The following SEMA7A variants were observed in gnomAD, a reference collection of about 807,000 sequenced individuals.
The protein encoded by SEMA7A is semaphorin 7A (JohnMiltonHagen blood group).
In SEMA7A, 21 loss-of-function variants were observed where a neutral mutation model predicts 67.5. That is an observed-to-expected ratio of 0.31 (90% CI 0.22 to 0.45). SEMA7A has a LOEUF of 0.45. Ranked by LOEUF, SEMA7A falls within the 20% of genes least tolerant of loss-of-function variation. The pLI is 1.00. For missense variants in SEMA7A, 774 were observed against 908.6 expected, an observed-to-expected ratio of 0.85 and a Z score of 1.90; for synonymous variants, 364 against 368.5, an observed-to-expected ratio of 0.99 and a Z score of 0.14.
chr15:74,417,799 C>G (rs2060964845), intron 4 of SEMA7A, 78 bp downstream of exon 4: 12 of 1,568,974 alleles, frequency 7.6e-6, no homozygotes, highest in Non-Finnish European at 1.1e-5. Context: ...GTCTCGCCAT[C>G]TCCTTCCCAC....
intron 7 of SEMA7A, 135 bp from the exon 8 acceptor site, chr15:74,416,120 C>G: frequency 1.1e-6 from 1 of 878,394 alleles, no homozygotes; most frequent in Non-Finnish European, 1.7e-6. Context: ...CAGGACCTGC[C>G]GGGGGTGCCC....
Position 74,415,702 on chromosome 15 carries a change from C to T in SEMA7A, c.986+99G>A, listed in dbSNP as rs541774240. On this transcript the variant is annotated intron_variant, in intron 8 of 13. Transcript: ENST00000261918. ...CCTCTTGAGCCTGCAGCCCCTGCTC[C>T]TGCCACACCAGGGAGGCCCTCAGCA... 26 of 1,241,686 alleles carry T rather than the reference C, an allele frequency of 2.1e-5. No homozygotes were observed. The South Asian group carries it at 3.4e-4, about 16-fold the overall frequency. 76.9% of individuals were successfully genotyped at this position (1,241,686 alleles called of 1,614,324 possible).
In SEMA7A at chr15:74,411,981, C is replaced by G. The variant is rs745907850; in HGVS notation, c.1326G>C (p.Pro442=). The G allele has an allele frequency of 3.7e-6, 6 of 1,613,990 alleles. No individual in the cohort carries two copies. In the Admixed American group the frequency reaches 8.3e-5, roughly 22 times the overall value. Residue 442 remains proline (P), a synonymous_variant, in exon 11 of 14, where the codon CCG becomes CCC. Coordinates refer to ENST00000261918, the MANE Select transcript of SEMA7A (RefSeq NM_003612.5). This position sits in a 1 kb window ranked among gnomAD's most constrained non-coding sequence, Gnocchi z 4.4. The part of the protein sequence containing the change: ...DRGTIHKVVE[P]GEQEHSFAFN... ...AGGCGAAGCTGTGCTCCTGCTCCCC[C>G]GGTTCCACCACCTTGTGGATAGTGC...
In SEMA7A at chr15:74,416,002, G is replaced by T; in HGVS notation, c.802-17C>A. 4.3e-6 allele frequency: 7 copies of T among 1,611,780 alleles called. No homozygotes were observed. Among genetic ancestry groups the T allele is most frequent in the Non-Finnish European group, 5.9e-6 (7 of 1,178,198 alleles). On this transcript the variant is annotated splice_polypyrimidine_tract_variant and intron_variant, in intron 7 of 13. Coordinates refer to ENST00000261918, the MANE Select transcript of SEMA7A (RefSeq NM_003612.5). ...CTGGTCCCCCTGGAAGGGTAGAGGG[G>T]AGAAGAGGCCCCTCAGCACCTGCCC... is the stretch of plus-strand genomic sequence containing the variant.
chr15:74,411,746 C>T lies in SEMA7A; in HGVS notation c.1423-36G>A, dbSNP rs753268706. The T allele has an allele frequency of 6.2e-7, 1 of 1,608,788 alleles. No individual in the cohort carries two copies. Among genetic ancestry groups the T allele is most frequent in the Non-Finnish European group, 8.5e-7 (1 of 1,179,064 alleles). On this transcript the variant is annotated intron_variant, in intron 11 of 13. Transcript: ENST00000261918. This position sits in a 1 kb window ranked among gnomAD's most constrained non-coding sequence, Gnocchi z 4.4. ...AGCAGGATTGGGTCAGGCCCGGGCC[C>T]CACCCCACACTCAGTCCTAAATGTC...
chr15:74,415,739 C>A (rs1337105414), intron 8 of SEMA7A, 62 bp downstream of exon 8: 3 of 1,504,050 alleles, frequency 2.0e-6, no homozygotes. Context: ...GGCCCAAGGC[C>A]TCCTGTCCCT....
intron 2 of SEMA7A, 105 bp from the exon 3 acceptor site, chr15:74,418,414 T>G: frequency 1.2e-5 from 14 of 1,126,846 alleles, no homozygotes; most frequent in Non-Finnish European, 1.8e-5. Context: ...CAACCATTAT[T>G]CTCATCTGAC....
At chr15:74,418,345 A>T in intron 2 of SEMA7A, 36 bp from the exon 3 acceptor site, 1 of 1,607,458 alleles carries the variant, frequency 6.2e-7, no homozygotes, top group Non-Finnish European at 8.5e-7. Context: ...TCAATCTGCC[A>T]GGGGTGAGGT....
At chr15:74,422,726 T>C (rs1017320034) in intron 1 of SEMA7A, among the ~76,000 whole-genome samples, 1 of 152,156 alleles carries the variant, frequency 6.6e-6, no homozygotes, top group Non-Finnish European at 1.5e-5. Flanking sequence ...CCTGACTCCT[T>C]AGGGACCCTA....
At chr15:74,432,980 C>T (rs961442225) in intron 1 of SEMA7A, among the ~76,000 whole-genome samples, 3 of 152,160 alleles carry the variant, frequency 2.0e-5, no homozygotes, top group Admixed American at 6.5e-5. Flanking sequence ...AAGGCTGCAC[C>T]CCCGCCCTAG....
chr15:74,414,643 G>T lies in SEMA7A; in HGVS notation c.1198C>A (p.Pro400Thr). The T allele has an allele frequency of 6.2e-7, 1 of 1,614,194 alleles. No homozygotes were observed. The highest frequency in any genetic ancestry group is 8.5e-7 in the Non-Finnish European group (1 of 1,180,042). The change falls in exon 10 of 14, where the codon CCA becomes ACA. Residue 400 changes from proline to threonine, a missense_variant. Coordinates refer to ENST00000261918, the MANE Select transcript of SEMA7A (RefSeq NM_003612.5). This position sits in a 1 kb window ranked among gnomAD's most constrained non-coding sequence, Gnocchi z 4.1. Reference protein sequence around the residue: ...RVEPMGPLKTPLFHSKYHYQK... With the variant: ...RVEPMGPLKTTLFHSKYHYQK... ...TAGTGGTATTTAGAGTGGAACAATG[G>T]CGTCTTCAGAGGCCCCATGGGCTCC... is the stretch of plus-strand genomic sequence containing the variant.
Position 74,417,976 on chromosome 15 carries a change from G to A in SEMA7A, c.373-7C>T, listed in dbSNP as rs747676119. The A allele has an allele frequency of 1.1e-4, 181 of 1,612,120 alleles. No homozygotes were observed. The Middle Eastern group carries it at 3.6e-3, about 32-fold the overall frequency. The stretch of plus-strand genomic sequence containing the variant: ...TGATGTAGTTCTCGCAGTCCTGCCC[G>A]GGGAAGAGAGAAGGGAGGAGAGAAA... On this transcript the variant is annotated splice_polypyrimidine_tract_variant and splice_region_variant and intron_variant, in intron 3 of 13. Coordinates refer to ENST00000261918, the MANE Select transcript of SEMA7A (RefSeq NM_003612.5).
At chr15:74,418,637 T>C (rs1416340403) in intron 2 of SEMA7A, among the ~76,000 whole-genome samples, 164 bp downstream of exon 2, 1 of 152,172 alleles carries the variant, frequency 6.6e-6, no homozygotes, top group African/African-American at 2.4e-5. Context: ...CACTCCAATC[T>C]GGACTACCTT....
chr15:74,423,529 C>CA lies in SEMA7A; in HGVS notation c.179-4578dup, dbSNP rs1330229490. Among the ~76,000 whole-genome samples the CA allele has an allele frequency of 1.3e-5, 2 of 152,060 alleles. No homozygotes were observed. The highest frequency in any genetic ancestry group is 3.9e-4 in the East Asian group (2 of 5,180). On this transcript the variant is annotated intron_variant, in intron 1 of 13. Coordinates refer to ENST00000261918, the MANE Select transcript of SEMA7A (RefSeq NM_003612.5). This position sits in a 1 kb window ranked among gnomAD's most constrained non-coding sequence, Gnocchi z 4.1. The stretch of plus-strand genomic sequence containing the variant: ...GGCTTCCTGGAGAGCCTCTGATTTG[C>CA]AAAAAGCTGTATATTCAGCCTCTCC...
chr15:74,431,949 G>T (rs975925507), intron 1 of SEMA7A, among the ~76,000 whole-genome samples: 8 of 152,254 alleles, frequency 5.3e-5, no homozygotes, highest in African/African-American at 1.2e-4. Context: ...CTGCGGGCGG[G>T]GGGGTAGGCC....
chr15:74,412,141 G>T (rs562619004), intron 10 of SEMA7A, 129 bp from the exon 11 acceptor site: 3 of 1,118,680 alleles, frequency 2.7e-6, no homozygotes, highest in South Asian at 3.0e-5. Context: ...TGGGCAGGGC[G>T]AGGAGAGCGT....
At position 74,411,426 on chromosome 15, in the gene SEMA7A, C is replaced by T; in HGVS notation, c.1578-70G>A. The T allele has an allele frequency of 1.3e-6, 2 of 1,574,486 alleles. No individual in the cohort carries two copies. The highest frequency in any genetic ancestry group is 1.7e-6 in the Non-Finnish European group (2 of 1,156,660). On this transcript the variant is annotated intron_variant, in intron 12 of 13. Transcript: ENST00000261918. The surrounding 1 kb of genome is among the most constrained non-coding windows in gnomAD (Gnocchi z 4.4). ...AGACCTGACCCTCCTATCCTTACCCCAGTGCAGTTCCAGCAGAGAGGAGGG... is the reference window on the plus strand; with the variant it reads ...AGACCTGACCCTCCTATCCTTACCCTAGTGCAGTTCCAGCAGAGAGGAGGG...
intron 1 of SEMA7A, among the ~76,000 whole-genome samples, chr15:74,432,480 T>A (rs1302249101): frequency 2.0e-5 from 3 of 152,196 alleles, no homozygotes; most frequent in African/African-American, 7.2e-5. Context: ...GAACCTGGAC[T>A]GGTCCTGTGC....
chr15:74,426,229 C>G (rs1020685304), intron 1 of SEMA7A, among the ~76,000 whole-genome samples: 1 of 152,110 alleles, frequency 6.6e-6, no homozygotes, highest in Non-Finnish European at 1.5e-5. Flanking sequence ...GAGCTGAGAC[C>G]ACGCCACTGC....
Sources: gnomAD v4.1 joint callset for allele counts (sites outside exome capture counted in the v4.1 genomes callset) on GRCh38, gnomAD v4.1.1 for gene constraint, Gnocchi (gnomAD v3.1) non-coding constraint, MANE v1.5 for transcripts, NCBI Gene and HGNC (gene_info 2026-07-23, HGNC 2026-07-21) for gene names.